Variants in HEATR5A observed in about 807,000 individuals in gnomAD.
The protein encoded by HEATR5A is HEAT repeat containing 5A.
A neutral mutation model predicts 218.8 loss-of-function variants in HEATR5A; 178 were observed. The observed-to-expected ratio is 0.81, with a 90% CI of 0.72 to 0.92. The LOEUF (loss-of-function observed/expected upper bound fraction) is 0.92. Ranked by LOEUF, HEATR5A falls within the 40% of genes least tolerant of loss-of-function variation. The pLI is 0.00. For synonymous variants in HEATR5A, 864 were observed against 871.6 expected (o/e 0.99, Z 0.15); for missense variants, 2,420 against 2,418.9 (o/e 1.00, Z -0.01).
At chr14:31,411,566 G>C (rs1176801823) in intron 1 of HEATR5A, among the ~76,000 whole-genome samples, 2 of 152,180 alleles carry the variant, frequency 1.3e-5, no homozygotes, top group Admixed American at 6.5e-5. Context: ...GGAAATCCAA[G>C]TTGAAATGGT....
In HEATR5A at chr14:31,302,483, G is replaced by A. The variant is rs1310502524; in HGVS notation, c.5276C>T (p.Thr1759Ile). Residue 1759 changes from threonine (T) to isoleucine (I), a missense_variant, in exon 33 of 36, where the codon ACA becomes ATA. Coordinates refer to ENST00000543095, the MANE Select transcript of HEATR5A (RefSeq NM_015473.4). The part of the protein sequence containing the change: ...ISILPTILYL[T>I]IGVLRETAVK... ...AGCAGTCTCTCTGAGGACCCCGATT[G>A]TGAGGTACAATATAGTAGGGAGAAT... is the stretch of plus-strand genomic sequence containing the variant. 1 of 1,588,618 alleles carries A rather than the reference G, an allele frequency of 6.3e-7. No individual in the cohort carries two copies.
chr14:31,310,581 A>C (rs1899712782), intron 28 of HEATR5A, among the ~76,000 whole-genome samples: 1 of 152,180 alleles, frequency 6.6e-6, no homozygotes, highest in Non-Finnish European at 1.5e-5. Context: ...TGGAGGTTGC[A>C]GTGAGCCGAG....
intron 11 of HEATR5A, among the ~76,000 whole-genome samples, chr14:31,378,392 G>C (rs1207769440): frequency 6.6e-6 from 1 of 152,194 alleles, no homozygotes; most frequent in African/African-American, 2.4e-5. Flanking sequence ...TATAAAAACT[G>C]TTCTTAGCTC....
Position 31,349,913 on chromosome 14 carries a change from T to C in HEATR5A, c.2584A>G (p.Met862Val), listed in dbSNP as rs1901161465. ...EMKRFALTLV[M>V]GALESPNPLL... ...GGGTTGGGGCTTTCTAGGGCTCCCATAACTAATGTTAAGGCAAATCTTTTC... is the reference window on the plus strand; with the variant it reads ...GGGTTGGGGCTTTCTAGGGCTCCCACAACTAATGTTAAGGCAAATCTTTTC... The change falls in exon 18 of 36, where the codon ATG becomes GTG. Residue 862 changes from methionine (M) to valine (V), a missense_variant. Met to Val is a conservative substitution (Grantham distance 21). Coordinates refer to ENST00000543095, the MANE Select transcript of HEATR5A (RefSeq NM_015473.4). 5.0e-6 allele frequency: 8 copies of C among 1,611,162 alleles called. No homozygotes were observed. Among genetic ancestry groups the C allele is most frequent in the Non-Finnish European group, 5.9e-6 (7 of 1,178,520 alleles).
At chr14:31,347,213 CTAT>C (rs1230159046) in intron 19 of HEATR5A, among the ~76,000 whole-genome samples, 1 of 152,032 alleles carries the variant, frequency 6.6e-6, no homozygotes, top group Non-Finnish European at 1.5e-5. Context: ...TTATTTATTA[CTAT>C]TATTATTATT....
rs1300240339 is a variant in HEATR5A at position 31,409,113 on chromosome 14, T to A, written c.-74-6064A>T. 1.5e-5 allele frequency among the ~76,000 whole-genome samples: 2 copies of A among 137,772 alleles called. 1 individual carries two copies. Among genetic ancestry groups the A allele is most frequent in the African/African-American group, 5.2e-5 (2 of 38,216 alleles). The allele number at this position is 137,772 out of a possible 152,430, so 90.4% of individuals were successfully genotyped here. ...CCCAGGCTGGAGTGCAATGGCACAA[T>A]CTTGGCTCACTGCAACCTCCGCCTC... On this transcript the variant is annotated intron_variant, in intron 1 of 35. Coordinates refer to ENST00000543095, the MANE Select transcript of HEATR5A (RefSeq NM_015473.4).
At chr14:31,397,234 G>C (rs1475076618) in intron 4 of HEATR5A, among the ~76,000 whole-genome samples, 2 of 151,780 alleles carry the variant, frequency 1.3e-5, no homozygotes, top group African/African-American at 4.8e-5. Flanking sequence ...TTAAAAATGT[G>C]TGTGTGACTT....
chr14:31,312,767 G>A (rs971038907), intron 28 of HEATR5A, among the ~76,000 whole-genome samples: 2 of 152,026 alleles, frequency 1.3e-5, no homozygotes, highest in African/African-American at 4.8e-5. Flanking sequence ...GCGTGGTGGT[G>A]TGTGCCTGTA....
At chr14:31,315,643 A>C (rs997583265) in intron 27 of HEATR5A, 127 bp downstream of exon 27, 4 of 645,178 alleles carry the variant, frequency 6.2e-6, no homozygotes, top group Non-Finnish European at 2.6e-6. Context: ...ACATGTTGGA[A>C]TTCTTTTTGT....
rs1331325127 is a variant in HEATR5A at position 31,398,726 on chromosome 14, T to C, written c.394A>G (p.Asn132Asp). The C allele has an allele frequency of 3.3e-6, 5 of 1,533,656 alleles. No individual in the cohort carries two copies. Among genetic ancestry groups the C allele is most frequent in the East Asian group, 4.9e-5 (2 of 40,862 alleles). Residue 132 changes from asparagine (N) to aspartate (D), a missense_variant, in exon 4 of 36, where the codon AAC (asparagine) becomes GAC (aspartate). Physicochemically the swap from Asn to Asp is conservative, Grantham distance 23 (BLOSUM62 1). Coordinates refer to ENST00000543095, the MANE Select transcript of HEATR5A (RefSeq NM_015473.4). ...TTCCCCACTGTATCAGTAAAGGTGT[T>C]ACCCAGTATTCTACCCAACTTCTTG... ...LYKKLGRILG[N>D]TFTDTVGNIL...
rs1403680749 is a variant in HEATR5A, at chr14:31,394,113, A to G, written c.711T>C (p.Ser237=). The change falls in exon 6 of 36, where the codon TCT becomes TCC. Residue 237 remains serine (S), a synonymous_variant. Coordinates refer to ENST00000543095, the MANE Select transcript of HEATR5A (RefSeq NM_015473.4). ...ATATTATGCCTAGTAACTTTGAAAC[A>G]GAAATCCGCACATCATAATTGGAAC... The part of the protein sequence containing the change: ...FEGSNYDVRI[S]VSKLLGIILA... 3.3e-6 allele frequency: 5 copies of G among 1,535,794 alleles called. No homozygotes were observed. Among genetic ancestry groups the G allele is most frequent in the Non-Finnish European group, 4.4e-6 (5 of 1,146,404 alleles).
intron 33 of HEATR5A, 30 bp from the exon 34 acceptor site, chr14:31,296,093 T>C (rs1241474480): frequency 6.3e-7 from 1 of 1,588,732 alleles, no homozygotes; most frequent in East Asian, 2.2e-5. Context: ...TAGAAACAGT[T>C]CATATTTACT....
chr14:31,344,902 T>C (rs147003291), intron 20 of HEATR5A, among the ~76,000 whole-genome samples, 185 bp downstream of exon 20: 2,258 of 152,152 alleles, frequency 0.015, 162 homozygotes, highest in Admixed American at 0.1. Flanking sequence ...TTAGGAGATA[T>C]GTAATTGTCT....
chr14:31,312,410 T>G (rs1199662061), intron 28 of HEATR5A, among the ~76,000 whole-genome samples: 1 of 151,102 alleles, frequency 6.6e-6, no homozygotes, highest in African/African-American at 2.4e-5. Context: ...CTGGTGGGTG[T>G]GTCCTTTTTT....
intron 10 of HEATR5A, 146 bp from the exon 11 acceptor site, chr14:31,380,724 T>C: frequency 6.5e-6 from 4 of 612,020 alleles, no homozygotes; most frequent in Non-Finnish European, 1.1e-5. Flanking sequence ...GACTACATAA[T>C]AGGACTGTCA....
chr14:31,321,197 C>T (rs140920041), intron 25 of HEATR5A, among the ~76,000 whole-genome samples: 1,678 of 151,884 alleles, frequency 0.011, 26 homozygotes, highest in African/African-American at 0.038. Context: ...CTGGATCTGT[C>T]ACCTAGGCTG....
intron 22 of HEATR5A, among the ~76,000 whole-genome samples, chr14:31,331,863 A>G (rs1219928982): frequency 6.6e-6 from 1 of 152,196 alleles, no homozygotes; most frequent in Admixed American, 6.5e-5. Flanking sequence ...CACTATCATG[A>G]GACCACCATG....
chr14:31,335,539 T>C (rs957368027), intron 22 of HEATR5A, among the ~76,000 whole-genome samples: 4 of 152,228 alleles, frequency 2.6e-5, no homozygotes, highest in Admixed American at 2.0e-4. Context: ...TTAAAGAGCA[T>C]AGATTACTGA....
chr14:31,345,286 CAA>C lies in HEATR5A; in HGVS notation c.2869-12_2869-11del. 1 of 1,564,210 alleles carries C rather than the reference CAA, an allele frequency of 6.4e-7. No homozygotes were observed. Among genetic ancestry groups the C allele is most frequent in the Non-Finnish European group, 8.7e-7 (1 of 1,153,320 alleles). ...AATGTAATGCCCAGGTCTGTAATGA[CAA>C]AGAAAAACAATTAAAAACATTACAG... On this transcript the variant is annotated splice_polypyrimidine_tract_variant and intron_variant, in intron 19 of 35. Transcript: ENST00000543095.
Sources: allele counts gnomAD v4.1 joint callset (sites outside exome capture counted in the v4.1 genomes callset), GRCh38; gene constraint gnomAD v4.1.1; transcripts MANE v1.5; gene names NCBI Gene and HGNC (gene_info 2026-07-23, HGNC 2026-07-21).